The following ROR2 variants were observed in gnomAD, a reference collection of about 807,000 sequenced individuals.
The protein encoded by ROR2 is ROR family WNT receptor 2.
In ROR2, 33 loss-of-function variants were observed where a neutral mutation model predicts 74.9. That is an observed-to-expected ratio of 0.44 (90% CI 0.33 to 0.59). The LOEUF is 0.59. Ranked by LOEUF, ROR2 falls within the 20% of genes least tolerant of loss-of-function variation. The pLI is 0.02. For synonymous variants in ROR2, 586 were observed against 558.7 expected, an observed-to-expected ratio of 1.05 and a Z score of -0.69; for missense variants, 1,216 against 1,313.8, an observed-to-expected ratio of 0.93 and a Z score of 1.15.
In ROR2 at chr9:91,723,461, G is replaced by A. The variant is rs1279073311; in HGVS notation, c.*201C>T. ...CGCCGTGCTGCCAGACCCCCTGCCT[G>A]GCTTGGGTGCTCCTAGGCAGGGCAG... On this transcript the variant is annotated 3_prime_UTR_variant, in exon 9 of 9. Transcript: ENST00000375708. 34 of 758,666 alleles carry A rather than the reference G, an allele frequency of 4.5e-5. No homozygotes were observed. Among genetic ancestry groups the A allele is most frequent in the Non-Finnish European group, 6.3e-5 (30 of 479,188 alleles). 47.0% of individuals were successfully genotyped at this position (758,666 alleles called of 1,614,324 possible).
At chr9:91,862,080 T>C (rs976608564) in intron 1 of ROR2, among the ~76,000 whole-genome samples, 1 of 151,918 alleles carries the variant, frequency 6.6e-6, no homozygotes, top group African/African-American at 2.4e-5. Flanking sequence ...TCCCAGCACT[T>C]TGGGAGGCTG....
At position 91,821,829 on chromosome 9, in the gene ROR2, C is replaced by T. The variant is rs142580400; in HGVS notation, c.98-46011G>A. Among the ~76,000 whole-genome samples the T allele has an allele frequency of 2.4e-3, 361 of 152,308 alleles. 3 individuals carry two copies. Among genetic ancestry groups the T allele is most frequent in the African/African-American group, 7.9e-3 (330 of 41,560 alleles). On this transcript the variant is annotated intron_variant, in intron 1 of 8. Coordinates refer to ENST00000375708, the MANE Select transcript of ROR2 (RefSeq NM_004560.4). Reference sequence around the variant, plus strand: ...CATCATGCCCACTATACTATCTACTCAGCAGGTCCAAGGCATCTACTCAGC... The same window carrying T: ...CATCATGCCCACTATACTATCTACTTAGCAGGTCCAAGGCATCTACTCAGC...
chr9:91,865,470 T>C (rs1829601515), intron 1 of ROR2, among the ~76,000 whole-genome samples: 1 of 152,226 alleles, frequency 6.6e-6, no homozygotes, highest in Admixed American at 6.5e-5. Flanking sequence ...ACATTGGCTT[T>C]GTAGGAGTCA....
chr9:91,904,050 T>TG (rs1564029378), intron 1 of ROR2, among the ~76,000 whole-genome samples: 354 of 146,896 alleles, frequency 2.4e-3, no homozygotes, highest in African/African-American at 8.9e-3. Context: ...TTGTTTTTTT[T>TG]TGGGGGGGGG....
At position 91,909,540 on chromosome 9, in the gene ROR2, C is replaced by T. The variant is rs149878485; in HGVS notation, c.97+40327G>A. 4.6e-3 allele frequency among the ~76,000 whole-genome samples: 676 copies of T among 145,916 alleles called. 6 individuals carry two copies. Among genetic ancestry groups the T allele is most frequent in the African/African-American group, 0.017 (649 of 38,798 alleles). On this transcript the variant is annotated intron_variant, in intron 1 of 8. Coordinates refer to ENST00000375708, the MANE Select transcript of ROR2 (RefSeq NM_004560.4). Reference sequence around the variant, plus strand: ...TTTTTTTTTTTTTTTTTGGTAGAGACGGGGTCTCACCATGTTGCCCAGGCT... The same window carrying T: ...TTTTTTTTTTTTTTTTTGGTAGAGATGGGGTCTCACCATGTTGCCCAGGCT...
At chr9:91,741,521 TTAA>T (rs534857717) in intron 4 of ROR2, among the ~76,000 whole-genome samples, 64 of 151,826 alleles carry the variant, frequency 4.2e-4, no homozygotes, top group African/African-American at 1.4e-3. Flanking sequence ...TTCATGGGTA[TTAA>T]TAATGAAGGA....
At chr9:91,844,115 A>T (rs914824031) in intron 1 of ROR2, among the ~76,000 whole-genome samples, 1 of 152,236 alleles carries the variant, frequency 6.6e-6, no homozygotes, top group African/African-American at 2.4e-5. Context: ...AGCTGCCCTG[A>T]GCCAGCAGCA....
At chr9:91,858,934 C>A (rs1164331438) in intron 1 of ROR2, among the ~76,000 whole-genome samples, 1 of 152,228 alleles carries the variant, frequency 6.6e-6, no homozygotes, top group East Asian at 1.9e-4. Flanking sequence ...GGCTCTATTG[C>A]CCACCTCCTG....
At chr9:91,868,164 A>C (rs536649014) in intron 1 of ROR2, among the ~76,000 whole-genome samples, 1 of 152,202 alleles carries the variant, frequency 6.6e-6, no homozygotes, top group African/African-American at 2.4e-5. Flanking sequence ...TCAACAAAAA[A>C]CCCCCAGAAA....
intron 1 of ROR2, among the ~76,000 whole-genome samples, chr9:91,847,974 G>A (rs1828979048): frequency 1.3e-5 from 2 of 152,274 alleles, no homozygotes; most frequent in Admixed American, 1.3e-4. Context: ...TGAAACAGAT[G>A]AGCCTTTTAA....
At chr9:91,937,365 C>G (rs1831727768) in intron 1 of ROR2, among the ~76,000 whole-genome samples, 1 of 152,016 alleles carries the variant, frequency 6.6e-6, no homozygotes, top group South Asian at 2.1e-4. Flanking sequence ...GTCTGCAAAC[C>G]CAGAGGATGA....
chr9:91,748,356 T>C (rs1564248989), intron 4 of ROR2, among the ~76,000 whole-genome samples: 1 of 152,204 alleles, frequency 6.6e-6, no homozygotes, highest in Non-Finnish European at 1.5e-5. Flanking sequence ...GTGAGACATA[T>C]GTCCATTAAC....
chr9:91,726,614 G>T lies in ROR2; in HGVS notation c.1313C>A (p.Thr438Lys). 6.2e-7 allele frequency: 1 copy of T among 1,613,996 alleles called. No homozygotes were observed. Among genetic ancestry groups the T allele is most frequent in the Non-Finnish European group, 8.5e-7 (1 of 1,180,046 alleles). Residue 438 changes from threonine (T) to lysine (K), a missense_variant, in exon 8 of 9, where the codon ACA becomes AAA. Physicochemically the swap from Thr to Lys is moderately conservative, Grantham distance 78. Transcript: ENST00000375708. ...CRNKQKASAS[T>K]PQRRQLMASP... ...GGCCATCAGCTGTCGCCGCTGCGGT[G>T]TGGACGCAGATGCCTTCTGCTTATT... is the stretch of plus-strand genomic sequence containing the variant.
intron 1 of ROR2, among the ~76,000 whole-genome samples, chr9:91,839,279 T>TGTGTAAGTACAGGC (rs1554681720): frequency 1.5e-4 from 21 of 136,590 alleles, no homozygotes; most frequent in African/African-American, 6.6e-4. Flanking sequence ...TGTGTGTGTG[T>TGTGTAAGTACAGGC]GTGTGTGTGT....
chr9:91,786,566 C>G (rs1170041488), intron 1 of ROR2, among the ~76,000 whole-genome samples: 1 of 152,136 alleles, frequency 6.6e-6, no homozygotes, highest in Admixed American at 6.5e-5. Context: ...CCCCTCCCTC[C>G]CCAGCTCAAT....
rs575237180 is a variant in ROR2, at chr9:91,742,769, T to C, written c.495-5251A>G. ...TACAGTAGTGTACAGTAATGTGTAA[T>C]GTCCTGGGCCTTCACATTCACTCGC... On this transcript the variant is annotated intron_variant, in intron 4 of 8. Transcript: ENST00000375708. 4.6e-5 allele frequency among the ~76,000 whole-genome samples: 7 copies of C among 152,318 alleles called. No individual in the cohort carries two copies. The South Asian group carries it at 8.3e-4, about 18-fold the overall frequency.
At chr9:91,893,558 A>G (rs1830473364) in intron 1 of ROR2, among the ~76,000 whole-genome samples, 2 of 152,084 alleles carry the variant, frequency 1.3e-5, no homozygotes, top group South Asian at 4.1e-4. Context: ...ACCCCTGCCT[A>G]TTCTTCCCAT....
chr9:91,911,951 A>C (rs1293176750), intron 1 of ROR2, among the ~76,000 whole-genome samples: 4 of 151,732 alleles, frequency 2.6e-5, no homozygotes, highest in Admixed American at 6.6e-5. Context: ...AAAAAAAAAA[A>C]AAACCACAAA....
At chr9:91,867,129 C>G (rs565135998) in intron 1 of ROR2, among the ~76,000 whole-genome samples, 3 of 152,348 alleles carry the variant, frequency 2.0e-5, no homozygotes, top group Non-Finnish European at 4.4e-5. Context: ...TCCTTAGCAT[C>G]TCCAGGTTTG....
Sources: allele counts gnomAD v4.1 joint callset (sites outside exome capture counted in the v4.1 genomes callset), GRCh38; gene constraint gnomAD v4.1.1; transcripts MANE v1.5; gene names NCBI Gene and HGNC (gene_info 2026-07-23, HGNC 2026-07-21).